ARAP2: variants seen among roughly 807,000 people sequenced by gnomAD.
ARAP2 encodes the protein arf-GAP with Rho-GAP domain, ANK repeat and PH domain-containing protein 2.
A neutral mutation model predicts 194.5 loss-of-function variants in ARAP2; 148 were observed. That is an observed-to-expected ratio of 0.76 (90% CI 0.67 to 0.87). The LOEUF (loss-of-function observed/expected upper bound fraction) is 0.87, where lower values mean the gene tolerates loss of function less well. Ranked by LOEUF, ARAP2 falls within the 40% of genes least tolerant of loss-of-function variation. ARAP2 has a pLI of 0.00. For missense variants in ARAP2, 2,128 were observed against 1,989.7 expected, an observed-to-expected ratio of 1.07 and a Z score of -1.32; for synonymous variants, 695 against 683.5, an observed-to-expected ratio of 1.02 and a Z score of -0.26.
At chr4:36,128,037 A>T (rs1724391094) in intron 21 of ARAP2, among the ~76,000 whole-genome samples, 1 of 152,012 alleles carries the variant, frequency 6.6e-6, no homozygotes, top group Non-Finnish European at 1.5e-5. Flanking sequence ...TACAGTGTAT[A>T]ACAAAACTCT....
chr4:36,014,253 G>T (rs1715163132), intron 8 of ARAP2, among the ~76,000 whole-genome samples: 1 of 130,892 alleles, frequency 7.6e-6, no homozygotes, highest in Non-Finnish European at 1.6e-5. Context: ...AAGAAAGAAA[G>T]AAAGAAAGAA....
At chr4:36,201,205 A>C (rs1479736050) in intron 6 of ARAP2, among the ~76,000 whole-genome samples, 1 of 152,212 alleles carries the variant, frequency 6.6e-6, no homozygotes, top group Non-Finnish European at 1.5e-5. Flanking sequence ...TTAGAGTTGA[A>C]GGCACAGAGG....
At chr4:36,071,027 TG>T (rs1364039363) in intron 32 of ARAP2, among the ~76,000 whole-genome samples, 1 of 152,176 alleles carries the variant, frequency 6.6e-6, no homozygotes, top group African/African-American at 2.4e-5. Context: ...GAGGGGCTTA[TG>T]GGTGGGATTC....
chr4:36,173,096 T>A (rs571001568), intron 9 of ARAP2, among the ~76,000 whole-genome samples: 1 of 152,138 alleles, frequency 6.6e-6, no homozygotes, highest in East Asian at 1.9e-4. Flanking sequence ...GCCACAATTA[T>A]CATCAAATGG....
At chr4:36,018,965 C>T (rs1716400531) in intron 6 of ARAP2, among the ~76,000 whole-genome samples, 1 of 137,594 alleles carries the variant, frequency 7.3e-6, no homozygotes, top group South Asian at 2.1e-4. Flanking sequence ...GGCATATAGG[C>T]AGAGGAGAGC....
chr4:36,091,810 C>T, intron 28 of ARAP2, 71 bp downstream of exon 28: 2 of 1,458,498 alleles, frequency 1.4e-6, no homozygotes, highest in South Asian at 1.5e-5. Flanking sequence ...AGAGAGATGG[C>T]TGACAGTAGC....
At chr4:36,119,286 A>T (rs562621049) in intron 24 of ARAP2, among the ~76,000 whole-genome samples, 1 of 151,514 alleles carries the variant, frequency 6.6e-6, no homozygotes, top group East Asian at 1.9e-4. Context: ...TCAAAATAAC[A>T]ATAGAAAGAA....
intron 2 of ARAP2, among the ~76,000 whole-genome samples, chr4:36,056,376 C>G (rs1267774909): frequency 6.6e-6 from 1 of 152,190 alleles, no homozygotes; most frequent in Non-Finnish European, 1.5e-5. Context: ...ATTTATTTAA[C>G]TCCCTGGTGA....
chr4:36,187,055 G>A (rs1578207953), intron 8 of ARAP2, among the ~76,000 whole-genome samples: 1 of 152,196 alleles, frequency 6.6e-6, no homozygotes, highest in East Asian at 1.9e-4. Context: ...GGGAACCACT[G>A]AGCCTGCCAT....
chr4:36,095,850 G>A lies in ARAP2; in HGVS notation c.4286-3830C>T, dbSNP rs116548519. Among the ~76,000 whole-genome samples, 435 of 152,114 alleles carry A rather than the reference G, an allele frequency of 2.9e-3. 2 individuals carry two copies. The highest frequency in any genetic ancestry group is 0.01 in the African/African-American group (416 of 41,516). ...CCTCAAGCCAAATAGCCATGATATG[G>A]TCATTATGCTGTCAGCTTCTGCTTT... On this transcript the variant is annotated intron_variant, in intron 27 of 32. Coordinates refer to ENST00000303965, the MANE Select transcript of ARAP2 (RefSeq NM_015230.4).
chr4:36,213,354 T>C (rs993495027), intron 3 of ARAP2, 35 bp from the exon 4 acceptor site: 1 of 1,395,800 alleles, frequency 7.2e-7, no homozygotes, highest in African/African-American at 1.4e-5. Context: ...AACAGAAAGA[T>C]GTGAATAATG....
chr4:36,166,929 T>C lies in ARAP2; in HGVS notation c.1973+3A>G. On this transcript the variant is annotated splice_donor_region_variant and intron_variant, in intron 10 of 32. Coordinates refer to ENST00000303965, the MANE Select transcript of ARAP2 (RefSeq NM_015230.4). ...GAACACAAAATGTTTAAAAATAGCTTACCTGAAACTCCTGTAGGGAGTGAT... is the reference window on the plus strand; with the variant it reads ...GAACACAAAATGTTTAAAAATAGCTCACCTGAAACTCCTGTAGGGAGTGAT... 6.4e-7 allele frequency: 1 copy of C among 1,557,852 alleles called. No homozygotes were observed. Among genetic ancestry groups the C allele is most frequent in the East Asian group, 2.3e-5 (1 of 44,006 alleles).
chr4:36,043,366 T>C (rs774413729), intron 5 of ARAP2, among the ~76,000 whole-genome samples: 17 of 152,188 alleles, frequency 1.1e-4, no homozygotes, highest in Non-Finnish European at 2.4e-4. Context: ...ACTTCACTTA[T>C]GTAGTTTAAC....
At chr4:36,041,767 T>A (rs1256768956) in intron 5 of ARAP2, among the ~76,000 whole-genome samples, 2 of 152,004 alleles carry the variant, frequency 1.3e-5, no homozygotes, top group African/African-American at 4.8e-5. Context: ...AGATATGGAG[T>A]CAACCTAAAT....
At chr4:36,228,194 C>T (rs61796597) in intron 2 of ARAP2, among the ~76,000 whole-genome samples, 5,637 of 152,150 alleles carry the variant, frequency 0.037, 123 homozygotes, top group South Asian at 0.062. Flanking sequence ...GAGATACAAA[C>T]ATTAAAAACA....
chr4:36,044,807 G>T (rs1247473066), intron 5 of ARAP2, among the ~76,000 whole-genome samples: 1 of 151,706 alleles, frequency 6.6e-6, no homozygotes, highest in African/African-American at 2.4e-5. Context: ...ATCTGATAAG[G>T]GGATAAATTC....
intron 9 of ARAP2, among the ~76,000 whole-genome samples, chr4:36,008,568 T>TA (rs2109302855): frequency 6.6e-6 from 1 of 152,166 alleles, no homozygotes; most frequent in African/African-American, 2.4e-5. Flanking sequence ...GACTTAAATG[T>TA]AAAACCTCAA....
intron 15 of ARAP2, among the ~76,000 whole-genome samples, chr4:36,156,379 AAG>A (rs1280594239): frequency 1.3e-4 from 1 of 7,822 alleles, no homozygotes; most frequent in Non-Finnish European, 2.3e-4. Flanking sequence ...GGGAGGGGGA[AAG>A]AGAGAGAGAG....
chr4:36,038,595 G>T (rs992363561), intron 5 of ARAP2, among the ~76,000 whole-genome samples: 1 of 152,170 alleles, frequency 6.6e-6, no homozygotes, highest in Non-Finnish European at 1.5e-5. Context: ...GATGCAGAAG[G>T]CTTAATCTTT....
Sources: allele counts gnomAD v4.1 joint callset (sites outside exome capture counted in the v4.1 genomes callset), GRCh38; gene constraint gnomAD v4.1.1; transcripts MANE v1.5; gene names NCBI Gene and HGNC (gene_info 2026-07-23, HGNC 2026-07-21).